The following BTBD8 variants were observed in gnomAD, a reference collection of about 807,000 sequenced individuals.
BTBD8 encodes BTB domain containing 8.
Under a neutral mutation model 162.9 loss-of-function variants are expected in BTBD8, and 110 were observed. The observed-to-expected ratio is 0.68, with a 90% confidence interval of 0.58 to 0.79. The LOEUF (loss-of-function observed/expected upper bound fraction) is 0.79, where lower values mean the gene tolerates loss of function less well. Ranked by LOEUF, BTBD8 falls within the 30% of genes least tolerant of loss-of-function variation. The pLI is 0.00. For missense variants in BTBD8, 1,905 were observed against 2,085.4 expected (o/e 0.91, Z 1.68); for synonymous variants, 667 against 716.1 (o/e 0.93, Z 1.10).
At position 92,184,168 on chromosome 1, in the gene BTBD8, C is replaced by G; in HGVS notation, c.5217C>G (p.Ser1739Arg). Residue 1739 changes from serine (S) to arginine (R), a missense_variant, in exon 18 of 18, where the codon AGC (serine) becomes AGG (arginine). Around this residue, in one of 3 missense-constraint regions of BTBD8, gnomAD observed 517 missense variants for 606.6 expected, o/e 0.85. Transcript: ENST00000636805. ...INQTLLLARD[S>R]SKPQGITHID... Reference sequence around the variant, plus strand: ...AGACACTACTTTTAGCACGAGATAGCTCAAAACCTCAGGGTATAACACATA... The same window carrying G: ...AGACACTACTTTTAGCACGAGATAGGTCAAAACCTCAGGGTATAACACATA... 6.4e-7 allele frequency: 1 copy of G among 1,551,610 alleles called. No individual in the cohort carries two copies. The highest frequency in any genetic ancestry group is 8.7e-7 in the Non-Finnish European group (1 of 1,146,870).
chr1:92,144,207 C>T (rs1441943962), intron 7 of BTBD8, among the ~76,000 whole-genome samples: 1 of 151,800 alleles, frequency 6.6e-6, no homozygotes, highest in African/African-American at 2.4e-5. Flanking sequence ...CTCCTGACCT[C>T]AGGTGATGCA....
chr1:92,131,295 A>G (rs1649508879), intron 5 of BTBD8, among the ~76,000 whole-genome samples: 1 of 152,268 alleles, frequency 6.6e-6, no homozygotes, highest in Non-Finnish European at 1.5e-5. Context: ...CGTCCAAAAC[A>G]CAAAACATGA....
intron 1 of BTBD8, among the ~76,000 whole-genome samples, chr1:92,084,712 G>T (rs1648107608): frequency 6.6e-6 from 1 of 152,146 alleles, no homozygotes; most frequent in African/African-American, 2.4e-5. Flanking sequence ...TATCTTGTTT[G>T]CTGGCTCTGG....
chr1:92,176,075 G>C (rs1455921517), intron 13 of BTBD8, among the ~76,000 whole-genome samples: 1 of 152,076 alleles, frequency 6.6e-6, no homozygotes, highest in African/African-American at 2.4e-5. Flanking sequence ...TGCAGATGTA[G>C]TGTATTGATG....
At chr1:92,145,851 G>A (rs1016023067) in intron 7 of BTBD8, among the ~76,000 whole-genome samples, 2 of 151,934 alleles carry the variant, frequency 1.3e-5, no homozygotes, top group East Asian at 1.9e-4. Flanking sequence ...CGTGGTGGCA[G>A]GCGCCTGTAA....
At position 92,129,782 on chromosome 1, in the gene BTBD8, C is replaced by T. The variant is rs758795229; in HGVS notation, c.752+6C>T. 11 of 1,607,430 alleles carry T rather than the reference C, an allele frequency of 6.8e-6. No individual in the cohort carries two copies. The East Asian group carries it at 2.2e-4, about 33-fold the overall frequency. ...GAGTACGTTACTCTTCAAGGGTAAG[C>T]ATATTTTTACAGGGCCATTTGACTG... is the stretch of plus-strand genomic sequence containing the variant. On this transcript the variant is annotated splice_donor_region_variant and intron_variant, in intron 5 of 17. Transcript: ENST00000636805.
Position 92,102,647 on chromosome 1 carries a change from AGAT to A in BTBD8, c.529_531del (p.Asp177del). ...AAATTCCAGAGGATATCAGTGACAG[AGAT>A]GATGATTTCATTTCCAATGGTGAGG... is the stretch of plus-strand genomic sequence containing the variant. On this transcript the variant is annotated inframe_deletion, in exon 3 of 18. Coordinates refer to ENST00000636805, the MANE Select transcript of BTBD8 (RefSeq NM_001376131.1). 6.7e-7 allele frequency: 1 copy of A among 1,490,980 alleles called. No individual in the cohort carries two copies. The highest frequency in any genetic ancestry group is 1.4e-5 in the African/African-American group (1 of 70,256). The allele number at this position is 1,490,980 out of a possible 1,614,324, so 92.4% of individuals were successfully genotyped here.
Position 92,181,093 on chromosome 1 carries a change from C to T in BTBD8, c.3410C>T (p.Ser1137Leu). 1 of 1,551,520 alleles carries T rather than the reference C, an allele frequency of 6.4e-7. No individual in the cohort carries two copies. Reference protein sequence around the residue: ...QVGRKDTNKQSSIKCVEDVSL... With the variant: ...QVGRKDTNKQLSIKCVEDVSL... Reference sequence around the variant, plus strand: ...GGGAGAAAAGATACAAACAAACAATCAAGTATTAAATGTGTGGAAGATGTT... The same window carrying T: ...GGGAGAAAAGATACAAACAAACAATTAAGTATTAAATGTGTGGAAGATGTT... The change falls in exon 17 of 18, where the codon TCA becomes TTA. Residue 1137 changes from serine to leucine, a missense_variant. Ser to Leu is a moderately radical substitution (Grantham distance 145). This residue lies in a region of BTBD8 where 1,374 missense variants were observed against 1,442.7 expected (regional missense o/e 0.95). Coordinates refer to ENST00000636805, the MANE Select transcript of BTBD8 (RefSeq NM_001376131.1).
intron 17 of BTBD8, 80 bp from the exon 18 acceptor site, chr1:92,183,783 TA>T: frequency 3.8e-6 from 3 of 788,458 alleles, no homozygotes; most frequent in Admixed American, 3.1e-5. Flanking sequence ...CTATCACTGT[TA>T]TATTGTGTTA....
At chr1:92,128,490 G>A (rs1321681304) in intron 4 of BTBD8, among the ~76,000 whole-genome samples, 5 of 152,100 alleles carry the variant, frequency 3.3e-5, no homozygotes, top group Non-Finnish European at 5.9e-5. Flanking sequence ...ATGTTAGCCA[G>A]GATGGTCTCG....
At chr1:92,100,628 G>T (rs1345278986) in intron 2 of BTBD8, among the ~76,000 whole-genome samples, 1 of 151,458 alleles carries the variant, frequency 6.6e-6, no homozygotes, top group African/African-American at 2.4e-5. Context: ...TATTATTTTT[G>T]AGATGGAGTC....
At chr1:92,159,002 C>G (rs1650224332) in intron 9 of BTBD8, among the ~76,000 whole-genome samples, 1 of 152,162 alleles carries the variant, frequency 6.6e-6, no homozygotes, top group South Asian at 2.1e-4. Flanking sequence ...AGCGATCTAC[C>G]TAGTTCAGCT....
chr1:92,183,847 A>G lies in BTBD8; in HGVS notation c.4913-17A>G, dbSNP rs1650997342. ...ACGTGCAATTTTTACATTGTGTAGT[A>G]TTATGAATTATTTCAGGAGACATAG... is the stretch of plus-strand genomic sequence containing the variant. On this transcript the variant is annotated splice_polypyrimidine_tract_variant and intron_variant, in intron 17 of 17. Coordinates refer to ENST00000636805, the MANE Select transcript of BTBD8 (RefSeq NM_001376131.1). 2.0e-6 allele frequency: 3 copies of G among 1,526,812 alleles called. No individual in the cohort carries two copies. Among genetic ancestry groups the G allele is most frequent in the East Asian group, 4.9e-5 (2 of 40,616 alleles). The allele number at this position is 1,526,812 out of a possible 1,614,324, so 94.6% of individuals were successfully genotyped here. A position where few individuals can be genotyped will look rare whatever the true frequency, so the allele number is the denominator to read the frequency against.
At chr1:92,148,418 T>C (rs1201411020) in intron 9 of BTBD8, among the ~76,000 whole-genome samples, 6 of 152,190 alleles carry the variant, frequency 3.9e-5, no homozygotes, top group Non-Finnish European at 5.9e-5. Context: ...TCACTGGTCT[T>C]AGAAAGATTC....
At chr1:92,183,142 A>G (rs1650968407) in intron 17 of BTBD8, among the ~76,000 whole-genome samples, 1 of 152,156 alleles carries the variant, frequency 6.6e-6, no homozygotes. Context: ...CTAAGAGATT[A>G]TATTTAGAAG....
chr1:92,172,382 G>C (rs1272304588), intron 13 of BTBD8, among the ~76,000 whole-genome samples: 1 of 152,202 alleles, frequency 6.6e-6, no homozygotes, highest in South Asian at 2.1e-4. Context: ...TTACTGAAGT[G>C]TATTAAAGAG....
intron 2 of BTBD8, among the ~76,000 whole-genome samples, chr1:92,101,810 C>T (rs898412782): frequency 6.6e-6 from 1 of 152,012 alleles, no homozygotes; most frequent in African/African-American, 2.4e-5. Flanking sequence ...GATCCTCCCA[C>T]CTCAGCCACC....
Position 92,177,512 on chromosome 1 carries a change from A to G in BTBD8, c.2319A>G (p.Lys773=), listed in dbSNP as rs929048224. The part of the protein sequence containing the change: ...SFCDSPGQMM[K]NSVDSVKNST... ...GTGATTCTCCAGGACAGATGATGAAAAACAGTGTAGATAGTGTCAAAAATT... is the reference window on the plus strand; with the variant it reads ...GTGATTCTCCAGGACAGATGATGAAGAACAGTGTAGATAGTGTCAAAAATT... The change falls in exon 14 of 18, where the codon AAA becomes AAG. Residue 773 remains lysine (K), a synonymous_variant. Coordinates refer to ENST00000636805, the MANE Select transcript of BTBD8 (RefSeq NM_001376131.1). 3.9e-6 allele frequency: 6 copies of G among 1,549,912 alleles called. No individual in the cohort carries two copies. The highest frequency in any genetic ancestry group is 5.2e-6 in the Non-Finnish European group (6 of 1,146,410).
chr1:92,102,899 C>T (rs6704121), intron 3 of BTBD8, among the ~76,000 whole-genome samples: 3 of 152,012 alleles, frequency 2.0e-5, no homozygotes, highest in Non-Finnish European at 1.5e-5. Flanking sequence ...AGCCATTATG[C>T]CTCTACGTTA....
Sources: allele counts gnomAD v4.1 joint callset (sites outside exome capture counted in the v4.1 genomes callset), GRCh38; gene constraint gnomAD v4.1.1; regional missense constraint gnomAD v4.1.1; transcripts MANE v1.5; gene names NCBI Gene and HGNC (gene_info 2026-07-23, HGNC 2026-07-21).